Variants in MC2R observed in about 807,000 individuals in gnomAD.
MC2R encodes melanocortin 2 receptor, also known as adrenocorticotropic hormone receptor.
Under a neutral mutation model 9.8 loss-of-function variants are expected in MC2R, and 9 were observed. The observed-to-expected ratio is 0.92, with a 90% CI of 0.55 to 1.60. MC2R has a LOEUF of 1.60. Ranked by LOEUF, MC2R falls within the 40% of genes most tolerant of loss-of-function variation. MC2R has a pLI of 0.00. For missense variants in MC2R, 370 were observed against 389.0 expected (o/e 0.95, Z 0.41); for synonymous variants, 185 against 154.7 (o/e 1.20, Z -1.45).
intron 1 of MC2R, among the ~76,000 whole-genome samples, chr18:13,906,385 C>T (rs1411867442): frequency 6.6e-6 from 1 of 151,908 alleles, no homozygotes; most frequent in Admixed American, 6.6e-5. Context: ...ACAATGAGAA[C>T]ACATGGGCAC....
intron 1 of MC2R, among the ~76,000 whole-genome samples, chr18:13,907,085 C>A (rs1674820582): frequency 6.6e-6 from 1 of 152,168 alleles, no homozygotes; most frequent in African/African-American, 2.4e-5. Context: ...GCAAAAAGAG[C>A]AAAGTTGGAG....
chr18:13,899,274 T>C (rs1407118103), intron 1 of MC2R, among the ~76,000 whole-genome samples: 2 of 152,006 alleles, frequency 1.3e-5, no homozygotes, highest in South Asian at 2.1e-4. Flanking sequence ...GAAGAAAGAA[T>C]TAATGAGCAT....
chr18:13,883,995 T>G lies in MC2R; in HGVS notation c.*630A>C, dbSNP rs1407928629. The G allele has an allele frequency of 6.3e-6, 1 of 159,160 alleles. No homozygotes were observed. The allele number at this position is 159,160 out of a possible 1,614,324, so 9.9% of individuals were successfully genotyped here. The stretch of plus-strand genomic sequence containing the variant: ...TTTATAGTTTATACTCAGCCTACTT[T>G]CTGAAACTGAGGTGGCATCAATACA... On this transcript the variant is annotated 3_prime_UTR_variant, in exon 2 of 2. Coordinates refer to ENST00000327606, the MANE Select transcript of MC2R (RefSeq NM_000529.2).
rs1472891224 is a variant in MC2R, at chr18:13,882,243, T to G, written c.*2382A>C. ...GGAAAAGTCTGAAGCTTGTTGATCTTCCTCACACAAATATGTGCAGTTTGG... is the reference window on the plus strand; with the variant it reads ...GGAAAAGTCTGAAGCTTGTTGATCTGCCTCACACAAATATGTGCAGTTTGG... On this transcript the variant is annotated 3_prime_UTR_variant, in exon 2 of 2. Coordinates refer to ENST00000327606, the MANE Select transcript of MC2R (RefSeq NM_000529.2). 2.0e-5 allele frequency: 3 copies of G among 152,236 alleles called. No individual in the cohort carries two copies. The highest frequency in any genetic ancestry group is 7.2e-5 in the African/African-American group (3 of 41,450). The allele number at this position is 152,236 out of a possible 1,614,324, so 9.4% of individuals were successfully genotyped here.
intron 1 of MC2R, among the ~76,000 whole-genome samples, chr18:13,890,591 C>T (rs1286891250): frequency 2.6e-5 from 4 of 152,110 alleles, no homozygotes; most frequent in Non-Finnish European, 5.9e-5. Flanking sequence ...AGGAGCTCCT[C>T]TCCGCGTCCC....
At chr18:13,888,112 TA>T (rs11317710) in intron 1 of MC2R, among the ~76,000 whole-genome samples, 42,221 of 147,882 alleles carry the variant, frequency 0.29, 6,168 homozygotes, top group Middle Eastern at 0.35. Context: ...GTAAAATTCA[TA>T]AAAAAAAAAA....
rs1349293720 is a variant in MC2R at position 13,914,714 on chromosome 18, A to G, written c.-129+774T>C. 4.6e-5 allele frequency among the ~76,000 whole-genome samples: 7 copies of G among 152,198 alleles called. 1 individual carries two copies. Among genetic ancestry groups the G allele is most frequent in the African/African-American group, 2.4e-5 (1 of 41,456 alleles). On this transcript the variant is annotated intron_variant, in intron 1 of 1. Transcript: ENST00000327606. ...GGACAGTTATCTGAAGGCAGCTTAG[A>G]CAAACTGAAATATGAAGAAGAGCTG... is the stretch of plus-strand genomic sequence containing the variant.
Position 13,884,245 on chromosome 18 carries a change from A to G in MC2R, c.*380T>C, listed in dbSNP as rs1219924667. The G allele has an allele frequency of 6.3e-6, 2 of 319,452 alleles. No homozygotes were observed. Among genetic ancestry groups the G allele is most frequent in the East Asian group, 1.6e-4 (2 of 12,554 alleles). The allele number at this position is 319,452 out of a possible 1,614,324, so 19.8% of individuals were successfully genotyped here. ...AACTGGCTTGTTAGATGTCCACAGG[A>G]AAGCAAGTCTTTGCCTTAGCCCAAA... is the stretch of plus-strand genomic sequence containing the variant. On this transcript the variant is annotated 3_prime_UTR_variant, in exon 2 of 2. Coordinates refer to ENST00000327606, the MANE Select transcript of MC2R (RefSeq NM_000529.2).
intron 1 of MC2R, among the ~76,000 whole-genome samples, chr18:13,905,876 T>C (rs939711393): frequency 6.6e-6 from 1 of 152,108 alleles, no homozygotes; most frequent in African/African-American, 2.4e-5. Flanking sequence ...GCCAACATGG[T>C]GAAACCCCGT....
Position 13,884,065 on chromosome 18 carries a change from TGTGGGA to T in MC2R, c.*554_*559del. ...GAGGAGGGTGGAGATTCCACATGGC[TGTGGGA>T]GACAGACAAATTCAGCTGCAGCAAT... is the stretch of plus-strand genomic sequence containing the variant. On this transcript the variant is annotated 3_prime_UTR_variant, in exon 2 of 2. Transcript: ENST00000327606. The T allele has an allele frequency of 5.8e-6, 1 of 171,486 alleles. No individual in the cohort carries two copies. The highest frequency in any genetic ancestry group is 1.5e-4 in the East Asian group (1 of 6,764). The allele number at this position is 171,486 out of a possible 1,614,324, so 10.6% of individuals were successfully genotyped here.
intron 1 of MC2R, among the ~76,000 whole-genome samples, chr18:13,909,746 A>G (rs1290085115): frequency 6.6e-6 from 1 of 152,140 alleles, no homozygotes; most frequent in Non-Finnish European, 1.5e-5. Flanking sequence ...GGCTTTCTGG[A>G]ACACTTATTT....
At chr18:13,890,487 C>T (rs929418971) in intron 1 of MC2R, among the ~76,000 whole-genome samples, 3 of 152,242 alleles carry the variant, frequency 2.0e-5, no homozygotes, top group African/African-American at 7.2e-5. Flanking sequence ...GACTGTGCTC[C>T]TGAGCTCTGG....
intron 1 of MC2R, among the ~76,000 whole-genome samples, 169 bp downstream of exon 1, chr18:13,915,319 A>T (rs2045469909): frequency 1.3e-5 from 2 of 152,238 alleles, no homozygotes; most frequent in African/African-American, 2.4e-5. Context: ...GTAGTAGTTT[A>T]ATTAGAAAAA....
chr18:13,901,317 T>C (rs1234728336), intron 1 of MC2R, among the ~76,000 whole-genome samples: 1 of 151,816 alleles, frequency 6.6e-6, no homozygotes, highest in Non-Finnish European at 1.5e-5. Flanking sequence ...AACAATTTAA[T>C]GATGCATCTC....
At chr18:13,899,551 A>G (rs1001583468) in intron 1 of MC2R, among the ~76,000 whole-genome samples, 2 of 152,178 alleles carry the variant, frequency 1.3e-5, no homozygotes, top group Non-Finnish European at 2.9e-5. Flanking sequence ...AAATAAGACT[A>G]CCTCAAGGCA....
At chr18:13,910,571 T>G (rs2045438739) in intron 1 of MC2R, among the ~76,000 whole-genome samples, 1 of 152,236 alleles carries the variant, frequency 6.6e-6, no homozygotes, top group South Asian at 2.1e-4. Context: ...AGTTTTCTGA[T>G]TTTGGTATTT....
At chr18:13,890,359 C>T (rs1340117982) in intron 1 of MC2R, among the ~76,000 whole-genome samples, 1 of 152,174 alleles carries the variant, frequency 6.6e-6, no homozygotes, top group Non-Finnish European at 1.5e-5. Flanking sequence ...TCTCGGATTG[C>T]TCTTCTGGAG....
chr18:13,914,934 G>A (rs1380970721), intron 1 of MC2R, among the ~76,000 whole-genome samples: 1 of 152,220 alleles, frequency 6.6e-6, no homozygotes, highest in Non-Finnish European at 1.5e-5. Context: ...CTAGGAAGGT[G>A]GAGGCTGACT....
intron 1 of MC2R, among the ~76,000 whole-genome samples, chr18:13,912,470 AGGACC>A (rs1223339537): frequency 6.6e-6 from 1 of 152,170 alleles, no homozygotes; most frequent in Admixed American, 6.5e-5. Context: ...TATGGGTAGG[AGGACC>A]GGGTCAGGTT....
Sources: gnomAD v4.1 joint callset for allele counts (sites outside exome capture counted in the v4.1 genomes callset) on GRCh38, gnomAD v4.1.1 for gene constraint, MANE v1.5 for transcripts, NCBI Gene and HGNC (gene_info 2026-07-23, HGNC 2026-07-21) for gene names.